The following NBN variants were observed in gnomAD, a reference collection of about 807,000 sequenced individuals.
The protein encoded by NBN is nibrin, also known as Nijmegen breakage syndrome 1 (nibrin).
Under a neutral mutation model 90.8 loss-of-function variants are expected in NBN, and 88 were observed. The ratio of observed to expected loss-of-function variants is 0.97; its 90% CI spans 0.82 to 1.16. NBN has a LOEUF of 1.16. Among genes scored for constraint, NBN ranks in the 50% most tolerant of loss-of-function variants. The pLI, the probability that NBN is intolerant of heterozygous loss-of-function variation, is 0.00. For synonymous variants in NBN, 328 were observed against 295.1 expected (o/e 1.11, Z -1.14); for missense variants, 894 against 869.6 (o/e 1.03, Z -0.35).
chr8:89,938,055 C>A (rs987295626), intron 14 of NBN, among the ~76,000 whole-genome samples: 1 of 152,174 alleles, frequency 6.6e-6, no homozygotes, highest in African/African-American at 2.4e-5. Flanking sequence ...GCTTCCTGAT[C>A]CCCTTCTTCT....
chr8:89,963,112 C>G (rs1037987672), intron 8 of NBN, among the ~76,000 whole-genome samples: 5 of 152,190 alleles, frequency 3.3e-5, no homozygotes, highest in Non-Finnish European at 7.3e-5. Context: ...TCTGCACACT[C>G]CAGAGACAGC....
Position 89,935,734 on chromosome 8 carries a change from C to T in NBN, c.2235-122G>A, listed in dbSNP as rs994030920. The T allele has an allele frequency of 5.6e-5, 69 of 1,239,570 alleles. 2 individuals are homozygous for T. In the South Asian group the frequency reaches 8.7e-4, roughly 16 times the overall value. 76.8% of individuals were successfully genotyped at this position (1,239,570 alleles called of 1,614,324 possible). On this transcript the variant is annotated intron_variant, in intron 15 of 15. Coordinates refer to ENST00000265433, the MANE Select transcript of NBN (RefSeq NM_002485.5). ...ATAGGATGGGAATGACAATTTTGTC[C>T]TTAGGATCAGATACTAAGCACTGAC...
intron 7 of NBN, among the ~76,000 whole-genome samples, chr8:89,967,227 G>A (rs1280427590): frequency 6.6e-6 from 1 of 152,194 alleles, no homozygotes; most frequent in Non-Finnish European, 1.5e-5. Context: ...GTCTGAGTGA[G>A]TGTGGGTGGG....
At position 89,978,180 on chromosome 8, in the gene NBN, T is replaced by C. The variant is rs760868028; in HGVS notation, c.584+40A>G. ...ACTTAAATAAAAATCAATGCTATCATATAAGTGACATCTTGTTATATTTAA... is the reference window on the plus strand; with the variant it reads ...ACTTAAATAAAAATCAATGCTATCACATAAGTGACATCTTGTTATATTTAA... On this transcript the variant is annotated intron_variant, in intron 5 of 15. Coordinates refer to ENST00000265433, the MANE Select transcript of NBN (RefSeq NM_002485.5). The C allele has an allele frequency of 6.6e-6, 10 of 1,522,304 alleles. No homozygotes were observed. In the East Asian group the frequency reaches 2.0e-4, roughly 31 times the overall value. 94.3% of individuals were successfully genotyped at this position (1,522,304 alleles called of 1,614,324 possible). A position where few individuals can be genotyped will look rare whatever the true frequency, so the allele number is the denominator to read the frequency against.
At position 89,957,120 on chromosome 8, in the gene NBN, A is replaced by T. The variant is rs1031265015; in HGVS notation, c.1125-1565T>A. On this transcript the variant is annotated intron_variant, in intron 9 of 15. Coordinates refer to ENST00000265433, the MANE Select transcript of NBN (RefSeq NM_002485.5). ...CCTTCTTATAAAAAAAATAACTTTAAAACAGTCTCAGGCAGTCCCTTCAGG... is the reference window on the plus strand; with the variant it reads ...CCTTCTTATAAAAAAAATAACTTTATAACAGTCTCAGGCAGTCCCTTCAGG... Among the ~76,000 whole-genome samples the T allele has an allele frequency of 3.9e-5, 6 of 152,200 alleles. 1 individual carries two copies. Among genetic ancestry groups the T allele is most frequent in the South Asian group, 4.1e-4 (2 of 4,836 alleles).
rs2129916430 is a variant in NBN at position 89,981,512 on chromosome 8, A to G, written c.183T>C (p.Asp61=). ...NFSVTNLSQT[D]EIPVLTLKDN... is the part of the protein sequence containing the mutation. ...CTTTTAATGTCAATACAGGGATTTC[A>G]TCTGTTTGACTCTGAAAAGTTAGCA... is the stretch of plus-strand genomic sequence containing the variant. Residue 61 remains aspartate, a synonymous_variant, in exon 3 of 16, where the codon GAT becomes GAC. Coordinates refer to ENST00000265433, the MANE Select transcript of NBN (RefSeq NM_002485.5). 2 of 1,612,970 alleles carry G rather than the reference A, an allele frequency of 1.2e-6. No individual in the cohort carries two copies. Among genetic ancestry groups the G allele is most frequent in the African/African-American group, 1.3e-5 (1 of 75,026 alleles).
At chr8:89,952,558 T>C (rs921421361) in intron 11 of NBN, among the ~76,000 whole-genome samples, 1 of 152,202 alleles carries the variant, frequency 6.6e-6, no homozygotes, top group African/African-American at 2.4e-5. Flanking sequence ...TAACTTCCGT[T>C]CACTTAATCC....
chr8:89,956,017 G>A (rs1810697278), intron 9 of NBN, among the ~76,000 whole-genome samples: 1 of 151,290 alleles, frequency 6.6e-6, no homozygotes, highest in African/African-American at 2.4e-5. Context: ...AGATATTCAG[G>A]TCACTGTAAA....
intron 2 of NBN, 56 bp from the exon 3 acceptor site, chr8:89,981,579 A>G (rs1812071640): frequency 3.1e-6 from 5 of 1,590,916 alleles, no homozygotes; most frequent in Non-Finnish European, 4.3e-6. Context: ...TTCACTTCTC[A>G]GAGAAAAAGT....
chr8:89,974,271 T>G lies in NBN; in HGVS notation c.585-2981A>C, dbSNP rs78837612. 4.9e-3 allele frequency among the ~76,000 whole-genome samples: 727 copies of G among 149,866 alleles called. 31 individuals are homozygous for G. The East Asian group carries it at 0.12, about 25-fold the overall frequency. On this transcript the variant is annotated intron_variant, in intron 5 of 15. Coordinates refer to ENST00000265433, the MANE Select transcript of NBN (RefSeq NM_002485.5). ...TATGGCTTTTTTTTTTTTTTTTTTT[T>G]GGTGATCTTGAAAAGGCTAGACTAC... is the stretch of plus-strand genomic sequence containing the variant.
At chr8:89,955,577 CA>C (rs1273773502) in intron 9 of NBN, 22 bp from the exon 10 acceptor site, 1 of 1,608,406 alleles carries the variant, frequency 6.2e-7, no homozygotes, top group Non-Finnish European at 8.5e-7. Flanking sequence ...GAAAAGAATG[CA>C]AGGTAAATAA....
intron 5 of NBN, among the ~76,000 whole-genome samples, chr8:89,974,479 T>C (rs1811661558): frequency 6.6e-6 from 1 of 152,188 alleles, no homozygotes; most frequent in Non-Finnish European, 1.5e-5. Flanking sequence ...GTCTGAGATT[T>C]GATTATCAGC....
chr8:89,962,729 C>A (rs191339492), intron 8 of NBN, among the ~76,000 whole-genome samples: 2 of 152,176 alleles, frequency 1.3e-5, no homozygotes, highest in East Asian at 3.9e-4. Context: ...TGTACAGACA[C>A]AAACATATGT....
At chr8:89,971,057 C>A in intron 6 of NBN, 116 bp downstream of exon 6, 1 of 1,157,184 alleles carries the variant, frequency 8.6e-7, no homozygotes, top group Non-Finnish European at 1.2e-6. Context: ...TATTCTACTT[C>A]ACACTTTTAC....
chr8:89,953,205 C>T (rs745345601), intron 11 of NBN, 39 bp downstream of exon 11: 3 of 1,442,962 alleles, frequency 2.1e-6, no homozygotes, highest in Non-Finnish European at 2.9e-6. Flanking sequence ...GCATTCTAAG[C>T]TTCTATGTAC....
At chr8:89,964,883 G>A (rs940491894) in intron 7 of NBN, among the ~76,000 whole-genome samples, 1 of 152,164 alleles carries the variant, frequency 6.6e-6, no homozygotes, top group African/African-American at 2.4e-5. Flanking sequence ...GGAGGCTGAG[G>A]CGGGTGGATC....
At chr8:89,941,234 G>A (rs1432490864) in intron 14 of NBN, among the ~76,000 whole-genome samples, 1 of 152,126 alleles carries the variant, frequency 6.6e-6, no homozygotes, top group African/African-American at 2.4e-5. Context: ...TATATGTCAG[G>A]AAAAACTAAT....
chr8:89,964,646 C>A, intron 7 of NBN, 139 bp from the exon 8 acceptor site: 3 of 794,382 alleles, frequency 3.8e-6, no homozygotes, highest in Admixed American at 2.7e-5. Context: ...ATGCAGAGTA[C>A]TATAATAGCT....
chr8:89,983,866 T>C (rs1812193703), intron 1 of NBN, among the ~76,000 whole-genome samples: 1 of 152,094 alleles, frequency 6.6e-6, no homozygotes, highest in Admixed American at 6.5e-5. Context: ...GCGCTCTCCA[T>C]ACTCTCTTAC....
Sources: allele counts gnomAD v4.1 joint callset (sites outside exome capture counted in the v4.1 genomes callset), GRCh38; gene constraint gnomAD v4.1.1; transcripts MANE v1.5; gene names NCBI Gene and HGNC (gene_info 2026-07-23, HGNC 2026-07-21).